Variants in MCTP1 observed in about 807,000 individuals in gnomAD.
MCTP1 encodes the protein multiple C2 and transmembrane domain containing 1, also known as multiple C2 and transmembrane domain-containing protein 1.
In MCTP1, 69 loss-of-function variants were observed where a neutral mutation model predicts 120.6. That is an observed-to-expected ratio of 0.57 (90% CI 0.47 to 0.70). The LOEUF (loss-of-function observed/expected upper bound fraction) is 0.70. Ranked by LOEUF, MCTP1 falls within the 30% of genes least tolerant of loss-of-function variation. The pLI, the probability that MCTP1 is intolerant of heterozygous loss-of-function variation, is 0.00. For synonymous variants in MCTP1, 529 were observed against 493.1 expected (o/e 1.07, Z -0.96); for missense variants, 1,203 against 1,248.8 (o/e 0.96, Z 0.55).
intron 1 of MCTP1, among the ~76,000 whole-genome samples, chr5:95,119,304 A>G (rs1758036303): frequency 6.6e-6 from 1 of 152,256 alleles, no homozygotes; most frequent in Non-Finnish European, 1.5e-5. Context: ...CAATGAAGAC[A>G]TTAGAAAGAA....
Position 94,800,971 on chromosome 5 carries a change from C to A in MCTP1, c.2437-1839G>T, listed in dbSNP as rs569898366. Among the ~76,000 whole-genome samples the A allele has an allele frequency of 2.6e-5, 4 of 151,838 alleles. No homozygotes were observed. The South Asian group carries it at 8.3e-4, about 32-fold the overall frequency. ...TTTCATTTAATTTTTGAAATTTATA[C>A]AATTATACAAAGATGATATAAATAA... On this transcript the variant is annotated intron_variant, in intron 17 of 22. Coordinates refer to ENST00000515393, the MANE Select transcript of MCTP1 (RefSeq NM_024717.7).
intron 1 of MCTP1, among the ~76,000 whole-genome samples, chr5:95,112,696 T>G (rs1243335345): frequency 2.0e-5 from 3 of 152,142 alleles, no homozygotes; most frequent in Non-Finnish European, 4.4e-5. Context: ...TGCCAATTAA[T>G]TGTAAGATAG....
At chr5:94,950,514 T>C (rs921729810) in intron 3 of MCTP1, among the ~76,000 whole-genome samples, 6 of 152,200 alleles carry the variant, frequency 3.9e-5, no homozygotes, top group African/African-American at 1.4e-4. Flanking sequence ...ATTTATAGTA[T>C]ATGTATGTGT....
At chr5:95,006,215 T>A (rs932765042) in intron 2 of MCTP1, among the ~76,000 whole-genome samples, 2 of 152,078 alleles carry the variant, frequency 1.3e-5, no homozygotes, top group African/African-American at 4.8e-5. Context: ...GCTATATATG[T>A]ATTATTCAGA....
At chr5:95,158,844 C>A (rs1319650359) in intron 1 of MCTP1, among the ~76,000 whole-genome samples, 1 of 151,906 alleles carries the variant, frequency 6.6e-6, no homozygotes, top group Non-Finnish European at 1.5e-5. Flanking sequence ...GAGGCTTGAG[C>A]CGGGAGGCAG....
chr5:94,710,793 G>A (rs375240142), intron 21 of MCTP1, 25 bp downstream of exon 21: 3 of 1,470,658 alleles, frequency 2.0e-6, no homozygotes, highest in East Asian at 2.3e-5. Context: ...AGACAGTTTG[G>A]GGGAGTGGGG....
intron 1 of MCTP1, among the ~76,000 whole-genome samples, chr5:95,088,835 G>T (rs1376020131): frequency 2.0e-5 from 3 of 152,150 alleles, no homozygotes; most frequent in African/African-American, 7.2e-5. Flanking sequence ...TAAGCAACTT[G>T]CCCAGGATTA....
chr5:94,708,887 G>T (rs561750104), intron 21 of MCTP1: 33 of 263,142 alleles, frequency 1.3e-4, no homozygotes, highest in Non-Finnish European at 2.1e-4. Context: ...TTCCCCCTGT[G>T]TTACAGTCTA....
Position 95,017,472 on chromosome 5 carries a change from T to G in MCTP1, c.733A>C (p.Thr245Pro). Residue 245 changes from threonine to proline, a missense_variant, in exon 2 of 23, where the codon ACT becomes CCT. Physicochemically the swap from Thr to Pro is conservative, Grantham distance 38. Around this residue, in one of 2 missense-constraint regions of MCTP1, gnomAD observed 463 missense variants for 377.8 expected, o/e 1.23. Transcript: ENST00000515393. ...ACTTCTGCATTACTGGTTCCAGCAGTGTTTATTATTTTCTGGAAAACACGA... is the reference window on the plus strand; with the variant it reads ...ACTTCTGCATTACTGGTTCCAGCAGGGTTTATTATTTTCTGGAAAACACGA... ...EHGSSQKIIN[T>P]AGTSNAEVPL... The G allele has an allele frequency of 6.3e-7, 1 of 1,591,860 alleles. No homozygotes were observed.
At chr5:94,986,684 A>G (rs1830476756) in intron 2 of MCTP1, among the ~76,000 whole-genome samples, 1 of 151,792 alleles carries the variant, frequency 6.6e-6, no homozygotes, top group African/African-American at 2.4e-5. Context: ...TAATTTTTGT[A>G]TTTTTTAGTA....
At chr5:95,261,708 A>G (rs1758485309) in intron 1 of MCTP1, among the ~76,000 whole-genome samples, 1 of 152,246 alleles carries the variant, frequency 6.6e-6, no homozygotes, top group African/African-American at 2.4e-5. Context: ...TAAAATTTAC[A>G]GATCTCTTCA....
chr5:95,184,234 A>C (rs528794355), intron 1 of MCTP1, among the ~76,000 whole-genome samples: 92 of 152,312 alleles, frequency 6.0e-4, no homozygotes, highest in African/African-American at 2.2e-3. Context: ...AGAATCTCCA[A>C]CTTCTAGATA....
intron 1 of MCTP1, among the ~76,000 whole-genome samples, chr5:95,275,709 C>T (rs1759772370): frequency 6.6e-6 from 1 of 152,212 alleles, no homozygotes; most frequent in South Asian, 2.1e-4. Flanking sequence ...TGCATGTATG[C>T]ATTTTACACT....
rs374805628 is a variant in MCTP1, at chr5:94,953,329, C to T, written c.871G>A (p.Gly291Arg). ...TTACTTCTAAAAACTTCTTTTCCTC[C>T]GATTTTAAACTTCACATATGGATCA... ...TSDPYVKFKI[G>R]GKEVFRSKII... The change falls in exon 3 of 23, where the codon GGA (glycine) becomes AGA (arginine). Residue 291 changes from glycine to arginine, a missense_variant. Coordinates refer to ENST00000515393, the MANE Select transcript of MCTP1 (RefSeq NM_024717.7). 9.8e-5 allele frequency: 157 copies of T among 1,608,496 alleles called. 2 individuals are homozygous for T. The South Asian group carries it at 1.4e-3, about 14-fold the overall frequency.
At chr5:95,028,419 A>T (rs983335568) in intron 1 of MCTP1, among the ~76,000 whole-genome samples, 1 of 152,176 alleles carries the variant, frequency 6.6e-6, no homozygotes, top group Non-Finnish European at 1.5e-5. Context: ...AAACTAAACA[A>T]AATGGGCCAA....
intron 1 of MCTP1, among the ~76,000 whole-genome samples, chr5:95,111,309 G>T (rs1345454179): frequency 6.6e-6 from 1 of 152,148 alleles, no homozygotes; most frequent in Non-Finnish European, 1.5e-5. Context: ...AAGCATAAAT[G>T]AGCTAGTTGT....
rs1319772276 is a variant in MCTP1 at position 94,883,541 on chromosome 5, T to C, written c.1933+5338A>G. ...TTTATTTGGTAGATTATTTTATCCCTGATAATATACCAAGATGAAGGACTT... is the reference window on the plus strand; with the variant it reads ...TTTATTTGGTAGATTATTTTATCCCCGATAATATACCAAGATGAAGGACTT... On this transcript the variant is annotated intron_variant, in intron 12 of 22. Coordinates refer to ENST00000515393, the MANE Select transcript of MCTP1 (RefSeq NM_024717.7). Among the ~76,000 whole-genome samples, 4 of 152,236 alleles carry C rather than the reference T, an allele frequency of 2.6e-5. No individual in the cohort carries two copies. The East Asian group carries it at 7.7e-4, about 29-fold the overall frequency.
At chr5:94,881,625 T>A (rs181283469) in intron 12 of MCTP1, among the ~76,000 whole-genome samples, 3 of 152,194 alleles carry the variant, frequency 2.0e-5, no homozygotes, top group Admixed American at 2.0e-4. Flanking sequence ...GTGTTGATCG[T>A]GGAAGAGTTA....
Position 94,927,714 on chromosome 5 carries a change from C to A in MCTP1, c.1213-3693G>T, listed in dbSNP as rs138106230. Reference sequence around the variant, plus strand: ...TTCTCCACCGTTAGTTAAATTAAAGCACTTAGAGTTTTTGCTGATGCATTT... The same window carrying A: ...TTCTCCACCGTTAGTTAAATTAAAGAACTTAGAGTTTTTGCTGATGCATTT... On this transcript the variant is annotated intron_variant, in intron 6 of 22. Transcript: ENST00000515393. Among the ~76,000 whole-genome samples, 305 of 152,206 alleles carry A rather than the reference C, an allele frequency of 2.0e-3. 3 individuals are homozygous for A. The East Asian group carries it at 0.026, about 13-fold the overall frequency.
Sources: gnomAD v4.1 joint callset for allele counts (sites outside exome capture counted in the v4.1 genomes callset) on GRCh38, gnomAD v4.1.1 for gene constraint, gnomAD v4.1.1 regional missense constraint, MANE v1.5 for transcripts, NCBI Gene and HGNC (gene_info 2026-07-23, HGNC 2026-07-21) for gene names.